LDLRAD3: variants seen among roughly 807,000 people sequenced by gnomAD.
The protein encoded by LDLRAD3 is low density lipoprotein receptor class A domain containing 3, also known as low-density lipoprotein receptor class A domain-containing protein 3.
Under a neutral mutation model 29.4 loss-of-function variants are expected in LDLRAD3, and 20 were observed. The observed-to-expected ratio is 0.68, with a 90% confidence interval of 0.48 to 0.99. The LOEUF is 0.99. LDLRAD3 is among the 50% of genes least tolerant of loss of function. The probability of loss-of-function intolerance (pLI) is 0.00; values close to 1 mark genes in which losing one functional copy is unlikely to be tolerated. For synonymous variants in LDLRAD3, 157 were observed against 192.7 expected (o/e 0.81, Z 1.53); for missense variants, 420 against 454.3 (o/e 0.92, Z 0.69).
At chr11:35,969,223 G>T (rs191871437) in intron 1 of LDLRAD3, among the ~76,000 whole-genome samples, 1 of 152,230 alleles carries the variant, frequency 6.6e-6, no homozygotes, top group African/African-American at 2.4e-5. Flanking sequence ...TGCTCACGCT[G>T]GTGTGAACCC....
chr11:36,225,147 C>T (rs1467224562), intron 4 of LDLRAD3, among the ~76,000 whole-genome samples: 1 of 152,182 alleles, frequency 6.6e-6, no homozygotes, highest in African/African-American at 2.4e-5. Flanking sequence ...ACATGAGTCA[C>T]CTGTAGTCGC....
intron 1 of LDLRAD3, among the ~76,000 whole-genome samples, chr11:36,016,057 A>G (rs973391711): frequency 1.3e-5 from 2 of 152,234 alleles, no homozygotes; most frequent in South Asian, 4.1e-4. Flanking sequence ...CATTCCCCGC[A>G]GAGGACGAAT....
intron 3 of LDLRAD3, among the ~76,000 whole-genome samples, chr11:36,088,763 G>T (rs770453425): frequency 3.3e-5 from 5 of 152,166 alleles, no homozygotes; most frequent in Non-Finnish European, 7.4e-5. Context: ...TCTCCTTAAA[G>T]ACTCTCACAT....
chr11:36,186,096 G>A (rs1383505002), intron 4 of LDLRAD3, among the ~76,000 whole-genome samples: 19 of 152,164 alleles, frequency 1.2e-4, no homozygotes, highest in Admixed American at 1.2e-3. Flanking sequence ...GATAAAAACA[G>A]ACCCTGGAGT....
At chr11:36,181,135 A>G (rs1272675783) in intron 4 of LDLRAD3, among the ~76,000 whole-genome samples, 5 of 152,052 alleles carry the variant, frequency 3.3e-5, no homozygotes, top group African/African-American at 7.2e-5. Context: ...ACCTCTCCCA[A>G]TAAAATGTAT....
At chr11:36,130,518 A>G (rs554290565) in intron 4 of LDLRAD3, among the ~76,000 whole-genome samples, 3 of 152,310 alleles carry the variant, frequency 2.0e-5, no homozygotes, top group East Asian at 3.9e-4. Flanking sequence ...GCCCAGATGA[A>G]GCCTGAATGA....
At chr11:36,116,158 AC>A (rs1725914714) in intron 4 of LDLRAD3, among the ~76,000 whole-genome samples, 1 of 152,174 alleles carries the variant, frequency 6.6e-6, no homozygotes, top group South Asian at 2.1e-4. Context: ...TTCCCCATGG[AC>A]CACCATTCCC....
chr11:36,093,844 G>C (rs976438510), intron 3 of LDLRAD3, among the ~76,000 whole-genome samples: 1 of 152,180 alleles, frequency 6.6e-6, no homozygotes, highest in Admixed American at 6.5e-5. Flanking sequence ...CAGTGTGTCT[G>C]GGTCCAGGGC....
intron 4 of LDLRAD3, among the ~76,000 whole-genome samples, chr11:36,217,994 A>G (rs766445524): frequency 6.6e-5 from 10 of 152,168 alleles, no homozygotes; most frequent in Non-Finnish European, 1.3e-4. Context: ...TCACATTCTG[A>G]GGTTCTGGGT....
At position 36,227,260 on chromosome 11, in the gene LDLRAD3, G is replaced by A; in HGVS notation, c.630G>A (p.Arg210=). The A allele has an allele frequency of 1.2e-6, 2 of 1,614,108 alleles. No homozygotes were observed. The highest frequency in any genetic ancestry group is 1.7e-6 in the Non-Finnish European group (2 of 1,180,016). ...RNNLMTLPVH[R]LQHPVLLSRL... is the part of the protein sequence containing the mutation. ...ACCTCATGACGCTGCCCGTGCACCG[G>A]CTGCAGCACCCTGTGCTGCTGTCCC... The change falls in exon 5 of 6, where the codon CGG becomes CGA. Residue 210 remains arginine, a synonymous_variant. Coordinates refer to ENST00000315571, the MANE Select transcript of LDLRAD3 (RefSeq NM_174902.4).
chr11:36,187,122 T>C (rs554973673), intron 4 of LDLRAD3, among the ~76,000 whole-genome samples: 1 of 152,216 alleles, frequency 6.6e-6, no homozygotes, highest in South Asian at 2.1e-4. Context: ...CTTGGCTTCC[T>C]ATTACCTTTA....
At chr11:36,191,576 C>CTCTCTCTCTCTCTCTA (rs377747518) in intron 4 of LDLRAD3, among the ~76,000 whole-genome samples, 36 of 53,396 alleles carry the variant, frequency 6.7e-4, no homozygotes, top group South Asian at 1.7e-3. Flanking sequence ...CTCTCTCTCT[C>CTCTCTCTCTCTCTCTA]TATATATATA....
At chr11:36,008,381 G>T (rs904771444) in intron 1 of LDLRAD3, among the ~76,000 whole-genome samples, 2 of 152,190 alleles carry the variant, frequency 1.3e-5, no homozygotes, top group African/African-American at 4.8e-5. Flanking sequence ...GTTCATGGAA[G>T]ACGGTAGCAT....
chr11:36,004,360 C>A (rs138382038), intron 1 of LDLRAD3, among the ~76,000 whole-genome samples: 1 of 152,162 alleles, frequency 6.6e-6, no homozygotes, highest in Non-Finnish European at 1.5e-5. Context: ...AGTCTGAAAC[C>A]CAGCAGGGCA....
chr11:36,144,746 CG>C (rs1854147920), intron 4 of LDLRAD3, among the ~76,000 whole-genome samples: 1 of 130,132 alleles, frequency 7.7e-6, no homozygotes, highest in African/African-American at 2.9e-5. Context: ...CCACCCCGTC[CG>C]GGAGGGAGGT....
chr11:36,010,216 C>A (rs944707015), intron 1 of LDLRAD3: 2 of 154,382 alleles, frequency 1.3e-5, no homozygotes, highest in African/African-American at 4.8e-5. Context: ...AAACATATAA[C>A]TAGGACAGTG....
intron 4 of LDLRAD3, among the ~76,000 whole-genome samples, chr11:36,165,944 TCCTC>T (rs1188329076): frequency 0.014 from 1,559 of 109,818 alleles, 43 homozygotes; most frequent in African/African-American, 0.048. Flanking sequence ...CTGGCTTGCT[TCCTC>T]CCTCCCTCCC....
intron 1 of LDLRAD3, among the ~76,000 whole-genome samples, chr11:35,972,073 C>T (rs1266772758): frequency 2.0e-5 from 3 of 151,954 alleles, no homozygotes; most frequent in Admixed American, 1.3e-4. Context: ...GAGATCTGGG[C>T]AGGGATGGGG....
chr11:36,087,337 G>T (rs999732921), intron 3 of LDLRAD3, among the ~76,000 whole-genome samples: 3 of 152,148 alleles, frequency 2.0e-5, no homozygotes, highest in African/African-American at 7.2e-5. Context: ...GAATGATATT[G>T]TGTCTATTTT....
Sources: allele counts gnomAD v4.1 joint callset (sites outside exome capture counted in the v4.1 genomes callset), GRCh38; gene constraint gnomAD v4.1.1; transcripts MANE v1.5; gene names NCBI Gene and HGNC (gene_info 2026-07-23, HGNC 2026-07-21).